TNKS: variants seen among roughly 807,000 people sequenced by gnomAD.
TNKS encodes the protein tankyrase, also known as poly [ADP-ribose] polymerase tankyrase-1.
A neutral mutation model predicts 135.8 loss-of-function variants in TNKS; 72 were observed. The ratio of observed to expected loss-of-function variants is 0.53; its 90% CI spans 0.44 to 0.64. TNKS has a LOEUF of 0.64. TNKS is among the 30% of genes least tolerant of loss of function. TNKS has a pLI of 0.00. For synonymous variants in TNKS, 849 were observed against 649.3 expected, an observed-to-expected ratio of 1.31 and a Z score of -4.68; for missense variants, 1,769 against 1,674.0, an observed-to-expected ratio of 1.06 and a Z score of -0.99.
chr8:9,592,466 T>C (rs191924274), intron 2 of TNKS, among the ~76,000 whole-genome samples: 7 of 152,330 alleles, frequency 4.6e-5, no homozygotes, highest in African/African-American at 1.7e-4. Flanking sequence ...TAGTATATTG[T>C]AAACTTCCTG....
intron 3 of TNKS, among the ~76,000 whole-genome samples, chr8:9,637,325 T>A (rs1417464411): frequency 6.6e-6 from 1 of 152,164 alleles, no homozygotes; most frequent in Non-Finnish European, 1.5e-5. Context: ...TGTGTACCAG[T>A]TTTGGTTTCC....
intron 3 of TNKS, among the ~76,000 whole-genome samples, chr8:9,622,448 A>G (rs1265834982): frequency 6.6e-6 from 1 of 152,164 alleles, no homozygotes; most frequent in South Asian, 2.1e-4. Context: ...TGAAGTAGAT[A>G]TTGTTATTGT....
chr8:9,735,620 G>C, intron 17 of TNKS, 134 bp downstream of exon 17: 1 of 660,434 alleles, frequency 1.5e-6, no homozygotes. Context: ...CTAACACGGT[G>C]AAACCCCGTC....
chr8:9,746,881 C>CTTTTTTTTTTTT lies in TNKS; in HGVS notation c.2644-1135_2644-1124dup, dbSNP rs10672387. Among the ~76,000 whole-genome samples the CTTTTTTTTTTTT allele has an allele frequency of 5.2e-3, 613 of 117,138 alleles. 65 individuals are homozygous for CTTTTTTTTTTTT. Among genetic ancestry groups the CTTTTTTTTTTTT allele is most frequent in the African/African-American group, 0.021 (587 of 27,492 alleles). 76.8% of individuals were successfully genotyped at this position (117,138 alleles called of 152,430 possible). A position where few individuals can be genotyped will look rare whatever the true frequency, so the allele number is the denominator to read the frequency against. On this transcript the variant is annotated intron_variant, in intron 17 of 26. Coordinates refer to ENST00000310430, the MANE Select transcript of TNKS (RefSeq NM_003747.3). ...TCTGAGAGTTTCATACCTACTTAAA[C>CTTTTTTTTTTTT]TTTTTTTTTTTTTTTTTTTGAGACG...
chr8:9,666,912 A>G (rs1231783720), intron 3 of TNKS, among the ~76,000 whole-genome samples: 3 of 152,136 alleles, frequency 2.0e-5, no homozygotes, highest in Non-Finnish European at 4.4e-5. Flanking sequence ...TTCAGTGTAT[A>G]GAGGTATGTA....
In TNKS at chr8:9,598,222, T is replaced by C. The variant is rs553364863; in HGVS notation, c.899-17360T>C. On this transcript the variant is annotated intron_variant, in intron 2 of 26. Coordinates refer to ENST00000310430, the MANE Select transcript of TNKS (RefSeq NM_003747.3). ...CACCATGCCCGGCTAATTTTTTATA[T>C]TTTTTTAGTAGAGACGGGGTTTCAC... Among the ~76,000 whole-genome samples, 16 of 152,116 alleles carry C rather than the reference T, an allele frequency of 1.1e-4. No homozygotes were observed. In the South Asian group the frequency reaches 3.3e-3, roughly 32 times the overall value.
intron 1 of TNKS, among the ~76,000 whole-genome samples, chr8:9,577,033 A>G (rs907265771): frequency 6.6e-6 from 1 of 152,206 alleles, no homozygotes; most frequent in Admixed American, 6.5e-5. Flanking sequence ...GATTGAGGGT[A>G]AGAGTTCAAC....
intron 3 of TNKS, among the ~76,000 whole-genome samples, chr8:9,616,369 C>A (rs1259601964): frequency 6.6e-6 from 1 of 152,110 alleles, no homozygotes; most frequent in Admixed American, 6.6e-5. Flanking sequence ...TGCATTGGAT[C>A]TATTTTTGTT....
At chr8:9,713,652 G>A (rs1804442628) in intron 11 of TNKS, among the ~76,000 whole-genome samples, 1 of 152,152 alleles carries the variant, frequency 6.6e-6, no homozygotes, top group Admixed American at 6.6e-5. Context: ...TTAAAAAAGA[G>A]GAGAGTTATA....
chr8:9,612,444 T>G (rs1799496232), intron 2 of TNKS, among the ~76,000 whole-genome samples: 1 of 152,118 alleles, frequency 6.6e-6, no homozygotes, highest in Non-Finnish European at 1.5e-5. Flanking sequence ...CAGACCACAT[T>G]TATATAGCAC....
At chr8:9,693,273 T>C (rs763422928) in intron 5 of TNKS, among the ~76,000 whole-genome samples, 5 of 152,134 alleles carry the variant, frequency 3.3e-5, no homozygotes, top group Non-Finnish European at 7.4e-5. Context: ...TATGTACTAA[T>C]ATTAAGAGGA....
chr8:9,769,156 C>A (rs1369917137), intron 25 of TNKS, among the ~76,000 whole-genome samples: 1 of 152,178 alleles, frequency 6.6e-6, no homozygotes, highest in Non-Finnish European at 1.5e-5. Flanking sequence ...CAATTCTGCC[C>A]TTGTAGCGCA....
At chr8:9,768,338 T>C (rs997839612) in intron 25 of TNKS, among the ~76,000 whole-genome samples, 1 of 152,222 alleles carries the variant, frequency 6.6e-6, no homozygotes, top group Non-Finnish European at 1.5e-5. Flanking sequence ...TGCAGTCGAT[T>C]GCCCAGTCCA....
chr8:9,639,565 T>G (rs1365458252), intron 3 of TNKS, among the ~76,000 whole-genome samples: 4 of 151,944 alleles, frequency 2.6e-5, no homozygotes, highest in African/African-American at 9.7e-5. Context: ...GCTTTCAATC[T>G]TGTATCTTTT....
intron 5 of TNKS, among the ~76,000 whole-genome samples, chr8:9,690,702 A>G (rs924297584): frequency 9.9e-4 from 119 of 119,898 alleles, no homozygotes; most frequent in African/African-American, 3.5e-3. Context: ...AAGTAAGTAA[A>G]TAAATAAATA....
At chr8:9,735,171 C>A in intron 16 of TNKS, 87 bp downstream of exon 16, 1 of 1,326,190 alleles carries the variant, frequency 7.5e-7, no homozygotes. Context: ...ATGCTGAACA[C>A]AAATGGGACT....
At position 9,580,246 on chromosome 8, in the gene TNKS, A is replaced by T; in HGVS notation, c.761A>T (p.His254Leu). 6.2e-7 allele frequency: 1 copy of T among 1,614,202 alleles called. No homozygotes were observed. The highest frequency in any genetic ancestry group is 8.5e-7 in the Non-Finnish European group (1 of 1,180,044). Reference sequence around the variant, plus strand: ...GATGATGGAGGTCTCATCCCGCTTCATAATGCCTGTTCTTTTGGCCATGCT... The same window carrying T: ...GATGATGGAGGTCTCATCCCGCTTCTTAATGCCTGTTCTTTTGGCCATGCT... ...ARDDGGLIPLHNACSFGHAEV... is the reference protein window; with the variant it reads ...ARDDGGLIPLLNACSFGHAEV... The change falls in exon 2 of 27, where the codon CAT (histidine) becomes CTT (leucine). Residue 254 changes from histidine to leucine, a missense_variant. Physicochemically the swap from His to Leu is moderately conservative, Grantham distance 99. Transcript: ENST00000310430.
chr8:9,590,721 G>A (rs1330322448), intron 2 of TNKS, among the ~76,000 whole-genome samples: 2 of 152,098 alleles, frequency 1.3e-5, no homozygotes, highest in African/African-American at 4.8e-5. Context: ...GTATTCTTTG[G>A]GGAAATGTCT....
chr8:9,563,478 G>A lies in TNKS; in HGVS notation c.673+6866G>A, dbSNP rs146725454. Among the ~76,000 whole-genome samples the A allele has an allele frequency of 4.9e-3, 744 of 152,220 alleles. 5 individuals are homozygous for A. Among genetic ancestry groups the A allele is most frequent in the East Asian group, 7.5e-3 (39 of 5,190 alleles). The stretch of plus-strand genomic sequence containing the variant: ...CCATAGACTATATGTAAATGAATGA[G>A]TGTGATTGTGTTCCAGTAAAATTTT... On this transcript the variant is annotated intron_variant, in intron 1 of 26. Transcript: ENST00000310430.
Sources: allele counts gnomAD v4.1 joint callset (sites outside exome capture counted in the v4.1 genomes callset), GRCh38; gene constraint gnomAD v4.1.1; transcripts MANE v1.5; gene names NCBI Gene and HGNC (gene_info 2026-07-23, HGNC 2026-07-21).